MRTFB: variants seen among roughly 807,000 people sequenced by gnomAD.
MRTFB encodes myocardin-related transcription factor B.
MRTFB carries 29 observed loss-of-function variants against 104.2 expected under a neutral mutation model. The ratio of observed to expected loss-of-function variants is 0.28; its 90% CI spans 0.21 to 0.38. The LOEUF is 0.38. Ranked by LOEUF, MRTFB falls within the 10% of genes least tolerant of loss-of-function variation. The probability of loss-of-function intolerance (pLI) is 1.00; values close to 1 mark genes in which losing one functional copy is unlikely to be tolerated. For synonymous variants in MRTFB, 535 were observed against 519.5 expected (o/e 1.03, Z -0.41); for missense variants, 1,270 against 1,341.6 (o/e 0.95, Z 0.83).
chr16:14,058,878 C>T, the MRTFB span, among the ~76,000 whole-genome samples: 1 of 151,304 alleles, frequency 6.6e-6, no homozygotes, highest in Non-Finnish European at 1.5e-5. Flanking sequence ...GCCACCACGC[C>T]CAGCTAATTT....
At chr16:14,023,657 A>ATGTG in the MRTFB span, among the ~76,000 whole-genome samples, 16 of 145,022 alleles carry the variant, frequency 1.1e-4, 1 homozygote, top group African/African-American at 2.1e-4. Flanking sequence ...ATACATATTT[A>ATGTG]TGTGTGTGTG....
chr16:14,211,688 A>AAATAATAT, intron 4 of MRTFB, among the ~76,000 whole-genome samples: 2 of 152,348 alleles, frequency 1.3e-5, no homozygotes, highest in South Asian at 4.1e-4. Context: ...ACCAGCAGGT[A>AAATAATAT]GCATATTAAG....
At chr16:14,036,754 A>G in the MRTFB span, among the ~76,000 whole-genome samples, 1 of 151,988 alleles carries the variant, frequency 6.6e-6, no homozygotes, top group African/African-American at 2.4e-5. Flanking sequence ...GGCCTGGGGT[A>G]GGATCTCAGC....
At chr16:14,110,365 A>T (rs8060542) in intron 2 of MRTFB, among the ~76,000 whole-genome samples, 1 of 152,182 alleles carries the variant, frequency 6.6e-6, no homozygotes, top group Non-Finnish European at 1.5e-5. Context: ...AATGGATCCT[A>T]TAAGAGGCGG....
intron 2 of MRTFB, among the ~76,000 whole-genome samples, chr16:14,112,869 C>T (rs1282162722): frequency 6.6e-6 from 1 of 152,144 alleles, no homozygotes; most frequent in Admixed American, 6.5e-5. Flanking sequence ...TCTGGACACC[C>T]TATCTGAAAT....
chr16:14,140,982 C>G (rs1418975275), intron 3 of MRTFB: 3 of 478,864 alleles, frequency 6.3e-6, no homozygotes, highest in African/African-American at 5.8e-5. Context: ...GTGACGTTAC[C>G]TTTGGAAATA....
At chr16:14,087,614 G>C (rs2034799639) in intron 2 of MRTFB, among the ~76,000 whole-genome samples, 1 of 152,224 alleles carries the variant, frequency 6.6e-6, no homozygotes, top group African/African-American at 2.4e-5. Flanking sequence ...TGAAGATTAA[G>C]TGTTTGTGTA....
chr16:14,076,378 A>G (rs1436888270), intron 1 of MRTFB, among the ~76,000 whole-genome samples: 8 of 152,098 alleles, frequency 5.3e-5, no homozygotes. Flanking sequence ...TATTTTTAGT[A>G]GAGATGGCGT....
At chr16:14,193,026 C>T (rs1290491913) in intron 3 of MRTFB, among the ~76,000 whole-genome samples, 1 of 151,918 alleles carries the variant, frequency 6.6e-6, no homozygotes, top group Non-Finnish European at 1.5e-5. Context: ...TGTCCAGGTC[C>T]CCTTTACTCA....
intron 2 of MRTFB, among the ~76,000 whole-genome samples, chr16:14,089,180 T>G (rs1231965328): frequency 1.3e-5 from 2 of 152,196 alleles, no homozygotes; most frequent in Non-Finnish European, 2.9e-5. Context: ...ACCATAAAGT[T>G]TACCCTTTTA....
chr16:14,122,501 T>C (rs1321316052), intron 2 of MRTFB, among the ~76,000 whole-genome samples: 1 of 152,176 alleles, frequency 6.6e-6, no homozygotes, highest in African/African-American at 2.4e-5. Flanking sequence ...GTTCTTATTA[T>C]TCAGCTCCCA....
intron 3 of MRTFB, among the ~76,000 whole-genome samples, chr16:14,153,877 T>TA (rs1430006517): frequency 3.9e-5 from 6 of 152,204 alleles, no homozygotes; most frequent in Admixed American, 6.5e-5. Flanking sequence ...TTCTACCAAT[T>TA]AGAGAGTAAT....
At chr16:14,253,363 A>G (rs1306710408) in intron 15 of MRTFB, among the ~76,000 whole-genome samples, 1 of 152,146 alleles carries the variant, frequency 6.6e-6, no homozygotes, top group African/African-American at 2.4e-5. Context: ...ACAATATCCA[A>G]GCGGTACTGT....
chr16:14,179,414 CTT>C (rs2039693164), intron 3 of MRTFB, among the ~76,000 whole-genome samples: 1 of 152,188 alleles, frequency 6.6e-6, no homozygotes, highest in Admixed American at 6.5e-5. Flanking sequence ...TGTGGCAACA[CTT>C]TATAAAATAC....
chr16:14,023,789 G>A, the MRTFB span, among the ~76,000 whole-genome samples: 4 of 152,112 alleles, frequency 2.6e-5, no homozygotes, highest in African/African-American at 4.8e-5. Flanking sequence ...GGTTGCTCAC[G>A]CCTGTAATCC....
In MRTFB at chr16:14,258,107, A is replaced by T; in HGVS notation, c.2710A>T (p.Asn904Tyr). The T allele has an allele frequency of 6.2e-7, 1 of 1,613,948 alleles. No individual in the cohort carries two copies. The highest frequency in any genetic ancestry group is 8.5e-7 in the Non-Finnish European group (1 of 1,179,830). The change falls in exon 16 of 17, where the codon AAC (asparagine) becomes TAC (tyrosine). Residue 904 changes from asparagine (N) to tyrosine (Y), a missense_variant. This residue lies in a region of MRTFB where 1,144 missense variants were observed against 1,131.5 expected (regional missense o/e 1.01). Coordinates refer to ENST00000571589, the MANE Select transcript of MRTFB (RefSeq NM_001308142.2). ...GTACTCTCCTTCATTGTAGATTTCC[A>T]ACGCTCACAGTCAGCAGATGGATGA... is the stretch of plus-strand genomic sequence containing the variant. ...STQAPLPEIS[N>Y]AHSQQMDDLF...
At chr16:14,052,647 G>A in the MRTFB span, among the ~76,000 whole-genome samples, 7,809 of 151,496 alleles carry the variant, frequency 0.052, 284 homozygotes, top group African/African-American at 0.1. Context: ...TATGAGGCAG[G>A]AGAATCTCTT....
chr16:14,200,708 G>A, intron 3 of MRTFB: 1 of 1,529,692 alleles, frequency 6.5e-7, no homozygotes, highest in South Asian at 1.1e-5. Context: ...GAATGAAACT[G>A]TGTCAGAGGC....
At chr16:14,069,190 T>G (rs2033553312), upstream of MRTFB, among the ~76,000 whole-genome samples, 1 of 151,934 alleles carries the variant, frequency 6.6e-6, no homozygotes, top group Non-Finnish European at 1.5e-5. Context: ...AGGCTGGTCT[T>G]GAACTCCTGA....
Sources: gnomAD v4.1 joint callset for allele counts (sites outside exome capture counted in the v4.1 genomes callset) on GRCh38, gnomAD v4.1.1 for gene constraint, gnomAD v4.1.1 regional missense constraint, MANE v1.5 for transcripts, NCBI Gene and HGNC (gene_info 2026-07-23, HGNC 2026-07-21) for gene names.